WWOX: variants seen among roughly 807,000 people sequenced by gnomAD.
WWOX encodes the protein WW domain-containing oxidoreductase.
WWOX carries 69 observed loss-of-function variants against 46.2 expected under a neutral mutation model. The observed-to-expected ratio is 1.49, with a 90% CI of 1.23 to 1.82. The LOEUF (loss-of-function observed/expected upper bound fraction) is 1.82, where lower values mean the gene tolerates loss of function less well. WWOX is among the 40% of genes most tolerant of loss of function. The probability of loss-of-function intolerance (pLI) is 0.00; values close to 1 mark genes in which losing one functional copy is unlikely to be tolerated. For synonymous variants in WWOX, 359 were observed against 202.6 expected, an observed-to-expected ratio of 1.77 and a Z score of -6.56; for missense variants, 919 against 542.6, an observed-to-expected ratio of 1.69 and a Z score of -6.89.
At chr16:79,124,732 T>C (rs2049714118) in intron 8 of WWOX, among the ~76,000 whole-genome samples, 1 of 152,330 alleles carries the variant, frequency 6.6e-6, no homozygotes, top group Admixed American at 6.5e-5. Flanking sequence ...AACATTTGTG[T>C]CTTAAAGTGT....
rs540782482 is a variant in WWOX at position 78,247,419 on chromosome 16, A to G, written c.516+83130A>G. ...TTCTTTTTTTTGCCATGGGTGCAAA[A>G]GATGCCTCTGGGGATCCCAGAGGAC... On this transcript the variant is annotated intron_variant, in intron 5 of 8. Transcript: ENST00000566780. 2.6e-5 allele frequency among the ~76,000 whole-genome samples: 4 copies of G among 152,180 alleles called. No individual in the cohort carries two copies. In the South Asian group the frequency reaches 8.3e-4, roughly 32 times the overall value.
chr16:78,649,768 T>TTAAG, intron 8 of WWOX, among the ~76,000 whole-genome samples: 1 of 152,250 alleles, frequency 6.6e-6, no homozygotes, highest in Non-Finnish European at 1.5e-5. Context: ...CTTATCTCAT[T>TTAAG]TAACCCTTAG....
In WWOX at chr16:78,401,012, G is replaced by A. The variant is rs914401171; in HGVS notation, c.605+14064G>A. On this transcript the variant is annotated intron_variant, in intron 6 of 8. Transcript: ENST00000566780. The stretch of plus-strand genomic sequence containing the variant: ...TAATTTTTATTTTTGTAGAGACGAG[G>A]TCTCCTTGTGTTGTCCAGGCTGGTC... 3.9e-5 allele frequency among the ~76,000 whole-genome samples: 6 copies of A among 152,190 alleles called. No homozygotes were observed. In the East Asian group the frequency reaches 1.2e-3, roughly 29 times the overall value.
At chr16:78,451,848 C>A (rs1223733013) in intron 8 of WWOX, among the ~76,000 whole-genome samples, 6 of 152,128 alleles carry the variant, frequency 3.9e-5, no homozygotes, top group African/African-American at 1.2e-4. Flanking sequence ...GAGAAATACC[C>A]TTCAACTCTT....
intron 8 of WWOX, among the ~76,000 whole-genome samples, chr16:79,030,047 T>A (rs768633601): frequency 1.3e-5 from 2 of 152,204 alleles, no homozygotes; most frequent in Non-Finnish European, 2.9e-5. Flanking sequence ...GAATGGTTTC[T>A]GACATTGTAT....
chr16:78,717,263 G>C (rs932630429), intron 8 of WWOX, among the ~76,000 whole-genome samples: 2 of 152,098 alleles, frequency 1.3e-5, no homozygotes, highest in East Asian at 3.9e-4. Context: ...GGAAAACCAT[G>C]GAATATAGAG....
chr16:78,400,877 G>A (rs2082396462), intron 6 of WWOX, among the ~76,000 whole-genome samples: 1 of 152,226 alleles, frequency 6.6e-6, no homozygotes, highest in African/African-American at 2.4e-5. Flanking sequence ...AGACTGGTGT[G>A]CAGTGGCACG....
chr16:78,601,600 G>T (rs897673261), intron 8 of WWOX, among the ~76,000 whole-genome samples: 1 of 152,164 alleles, frequency 6.6e-6, no homozygotes, highest in Non-Finnish European at 1.5e-5. Flanking sequence ...TTTACCCGTG[G>T]TGTAAAATAT....
At chr16:78,397,454 T>C (rs1349045809) in intron 6 of WWOX, among the ~76,000 whole-genome samples, 1 of 152,162 alleles carries the variant, frequency 6.6e-6, no homozygotes, top group Non-Finnish European at 1.5e-5. Flanking sequence ...ATTAACCACA[T>C]TTTACAGACT....
chr16:78,447,519 G>A (rs1364568616), intron 8 of WWOX, among the ~76,000 whole-genome samples: 1 of 152,190 alleles, frequency 6.6e-6, no homozygotes, highest in Non-Finnish European at 1.5e-5. Context: ...AGAGGTGAAA[G>A]TATATGTGTA....
chr16:78,870,749 A>C (rs1282692878), intron 8 of WWOX, among the ~76,000 whole-genome samples: 1 of 152,078 alleles, frequency 6.6e-6, no homozygotes, highest in Non-Finnish European at 1.5e-5. Context: ...TTACAGGTGC[A>C]TGCCACCATG....
chr16:79,047,174 G>C (rs574010034), intron 8 of WWOX, among the ~76,000 whole-genome samples: 23 of 152,084 alleles, frequency 1.5e-4, no homozygotes, highest in Non-Finnish European at 3.2e-4. Context: ...TATTTATTGA[G>C]TAGTAAGCAC....
chr16:78,475,251 T>G (rs1025279766), intron 8 of WWOX, among the ~76,000 whole-genome samples: 5 of 152,220 alleles, frequency 3.3e-5, no homozygotes, highest in South Asian at 2.1e-4. Context: ...TGCTGCTGCT[T>G]CTTCATCTTT....
intron 8 of WWOX, among the ~76,000 whole-genome samples, chr16:78,625,222 G>C (rs1197681176): frequency 1.3e-5 from 2 of 152,116 alleles, no homozygotes; most frequent in African/African-American, 2.4e-5. Context: ...CGTTTAGGCT[G>C]GGGTCACCGG....
At chr16:78,581,424 A>G (rs2045049668) in intron 8 of WWOX, among the ~76,000 whole-genome samples, 3 of 152,150 alleles carry the variant, frequency 2.0e-5, no homozygotes, top group East Asian at 1.9e-4. Flanking sequence ...ACTAACAGGA[A>G]CTGGTTTTAT....
intron 5 of WWOX, among the ~76,000 whole-genome samples, chr16:78,307,007 G>A (rs2080146993): frequency 6.6e-6 from 1 of 152,052 alleles, no homozygotes; most frequent in South Asian, 2.1e-4. Flanking sequence ...CGTTTCCTGT[G>A]ACAGTTCTCC....
At chr16:78,591,573 G>C (rs1325544528) in intron 8 of WWOX, among the ~76,000 whole-genome samples, 1 of 152,140 alleles carries the variant, frequency 6.6e-6, no homozygotes, top group Non-Finnish European at 1.5e-5. Context: ...ATGGGTTTTG[G>C]ATTTAGGTTA....
chr16:78,472,620 C>T (rs546373942), intron 8 of WWOX, among the ~76,000 whole-genome samples: 2 of 151,898 alleles, frequency 1.3e-5, no homozygotes, highest in South Asian at 2.1e-4. Context: ...ACCAGCCTGA[C>T]CAACATGTTG....
At chr16:78,724,643 C>T (rs2048780728) in intron 8 of WWOX, among the ~76,000 whole-genome samples, 1 of 152,150 alleles carries the variant, frequency 6.6e-6, no homozygotes, top group Admixed American at 6.5e-5. Context: ...GCTGGGAAAA[C>T]ATTTCCATGC....
Sources: gnomAD v4.1 joint callset for allele counts (sites outside exome capture counted in the v4.1 genomes callset) on GRCh38, gnomAD v4.1.1 for gene constraint, MANE v1.5 for transcripts, NCBI Gene and HGNC (gene_info 2026-07-23, HGNC 2026-07-21) for gene names.